The following LHFPL3 variants were observed in gnomAD, a reference collection of about 807,000 sequenced individuals.
The protein encoded by LHFPL3 is LHFPL tetraspan subfamily member 3.
Under a neutral mutation model 19.3 loss-of-function variants are expected in LHFPL3, and 5 were observed. The observed-to-expected ratio is 0.26, with a 90% CI of 0.14 to 0.54. The LOEUF is 0.54. LHFPL3 is among the 20% of genes least tolerant of loss of function. The probability of loss-of-function intolerance (pLI) is 0.94; values close to 1 mark genes in which losing one functional copy is unlikely to be tolerated. For missense variants in LHFPL3, 249 were observed against 307.4 expected (o/e 0.81, Z 1.42); for synonymous variants, 133 against 126.2 (o/e 1.05, Z -0.36).
chr7:104,587,258 A>G (rs929305960), intron 1 of LHFPL3, among the ~76,000 whole-genome samples: 2 of 152,186 alleles, frequency 1.3e-5, no homozygotes, highest in Non-Finnish European at 1.5e-5. Flanking sequence ...TCCTAATGCT[A>G]TCCCTCCCCT....
At chr7:104,829,504 C>T (rs998062620) in intron 2 of LHFPL3, among the ~76,000 whole-genome samples, 4 of 151,686 alleles carry the variant, frequency 2.6e-5, no homozygotes, top group Admixed American at 6.6e-5. Flanking sequence ...CAACAGTCCC[C>T]GGAGTGTGAT....
At chr7:104,540,883 T>G (rs933951800) in intron 1 of LHFPL3, among the ~76,000 whole-genome samples, 1 of 152,142 alleles carries the variant, frequency 6.6e-6, no homozygotes, top group Non-Finnish European at 1.5e-5. Flanking sequence ...CTTCCACTAC[T>G]TTAGCTCAAA....
chr7:104,349,366 T>G (rs1790133267), intron 1 of LHFPL3, among the ~76,000 whole-genome samples: 1 of 152,020 alleles, frequency 6.6e-6, no homozygotes, highest in African/African-American at 2.4e-5. Flanking sequence ...ATAAGAAAAA[T>G]GTATAAAATC....
At chr7:104,520,144 T>G (rs1423711861) in intron 1 of LHFPL3, among the ~76,000 whole-genome samples, 1 of 151,878 alleles carries the variant, frequency 6.6e-6, no homozygotes, top group Non-Finnish European at 1.5e-5. Flanking sequence ...TTATTGAGAG[T>G]TTTTAGCATG....
At chr7:104,700,245 G>A (rs552645322) in intron 1 of LHFPL3, among the ~76,000 whole-genome samples, 2 of 152,236 alleles carry the variant, frequency 1.3e-5, no homozygotes, top group East Asian at 3.9e-4. Flanking sequence ...GCTCAAAGAT[G>A]ACCAGCAAGC....
chr7:104,782,448 G>A (rs1418157981), intron 2 of LHFPL3, among the ~76,000 whole-genome samples: 1 of 152,062 alleles, frequency 6.6e-6, no homozygotes, highest in African/African-American at 2.4e-5. Flanking sequence ...TGGGAGGAAG[G>A]GACCAAGAAT....
At chr7:104,452,154 A>G (rs1792451038) in intron 1 of LHFPL3, among the ~76,000 whole-genome samples, 1 of 152,120 alleles carries the variant, frequency 6.6e-6, no homozygotes, top group South Asian at 2.1e-4. Flanking sequence ...TTTCCTTAGA[A>G]TCATCTCTGT....
At chr7:104,640,003 G>C (rs1791801501) in intron 1 of LHFPL3, among the ~76,000 whole-genome samples, 1 of 152,152 alleles carries the variant, frequency 6.6e-6, no homozygotes, top group Non-Finnish European at 1.5e-5. Context: ...GCCAGCATCT[G>C]TCATGTCATC....
At chr7:104,781,079 T>C (rs909227656) in intron 2 of LHFPL3, among the ~76,000 whole-genome samples, 9 of 152,138 alleles carry the variant, frequency 5.9e-5, no homozygotes, top group Non-Finnish European at 8.8e-5. Context: ...AGTCTACACC[T>C]GGACTGTTAA....
At position 104,769,850 on chromosome 7, in the gene LHFPL3, C is replaced by T. The variant is rs548867396; in HGVS notation, c.682+32939C>T. On this transcript the variant is annotated intron_variant, in intron 2 of 2. Coordinates refer to ENST00000424859, the MANE Select transcript of LHFPL3 (RefSeq NM_199000.3). ...ATATATGCCGTGGAATACTATGCAG[C>T]CATAAAAAAAGGATGAGTTTACGTC... Among the ~76,000 whole-genome samples, 48 of 73,050 alleles carry T rather than the reference C, an allele frequency of 6.6e-4. No homozygotes were observed. In the East Asian group the frequency reaches 0.016, roughly 25 times the overall value. The allele number at this position is 73,050 out of a possible 152,430, so 47.9% of individuals were successfully genotyped here. A position where few individuals can be genotyped will look rare whatever the true frequency, so the allele number is the denominator to read the frequency against.
intron 1 of LHFPL3, among the ~76,000 whole-genome samples, chr7:104,434,144 T>C (rs1473762546): frequency 6.6e-6 from 1 of 152,232 alleles, no homozygotes; most frequent in Non-Finnish European, 1.5e-5. Flanking sequence ...GGATATATGC[T>C]GTGGACTGAC....
At chr7:104,331,672 G>A (rs916301683) in intron 1 of LHFPL3, among the ~76,000 whole-genome samples, 6 of 152,104 alleles carry the variant, frequency 3.9e-5, no homozygotes, top group East Asian at 1.9e-4. Flanking sequence ...AGTCTAGGCC[G>A]GGCGCAGTGG....
intron 2 of LHFPL3, among the ~76,000 whole-genome samples, chr7:104,882,250 CTTAT>C (rs988627735): frequency 3.9e-5 from 6 of 151,920 alleles, no homozygotes; most frequent in South Asian, 2.1e-4. Flanking sequence ...TATTTATTTA[CTTAT>C]TTATTTATTT....
At chr7:104,359,668 G>C (rs999098116) in intron 1 of LHFPL3, among the ~76,000 whole-genome samples, 6 of 152,204 alleles carry the variant, frequency 3.9e-5, no homozygotes, top group African/African-American at 4.8e-5. Flanking sequence ...CCACAGTCTA[G>C]CGGGGAGGAA....
chr7:104,520,249 T>G (rs1379657635), intron 1 of LHFPL3, among the ~76,000 whole-genome samples: 1 of 151,952 alleles, frequency 6.6e-6, no homozygotes, highest in Non-Finnish European at 1.5e-5. Flanking sequence ...TGGATTACAT[T>G]TATTGATTTG....
chr7:104,512,419 C>G (rs961692979), intron 1 of LHFPL3, among the ~76,000 whole-genome samples: 2 of 152,056 alleles, frequency 1.3e-5, no homozygotes, highest in African/African-American at 4.8e-5. Flanking sequence ...AGCTTTTCAT[C>G]TAGCAGGCTC....
chr7:104,491,806 A>G (rs1793358302), intron 1 of LHFPL3, among the ~76,000 whole-genome samples: 1 of 152,240 alleles, frequency 6.6e-6, no homozygotes, highest in South Asian at 2.1e-4. Flanking sequence ...AAATGTTAAA[A>G]TATACCCAAA....
intron 1 of LHFPL3, among the ~76,000 whole-genome samples, chr7:104,378,218 C>A (rs189220527): frequency 1.1e-3 from 172 of 152,298 alleles, no homozygotes; most frequent in African/African-American, 4.0e-3. Context: ...TTCCCTCCTG[C>A]CTTTTTGCAG....
intron 1 of LHFPL3, among the ~76,000 whole-genome samples, chr7:104,571,983 C>G (rs553123189): frequency 1.3e-5 from 2 of 152,296 alleles, no homozygotes; most frequent in African/African-American, 4.8e-5. Flanking sequence ...CCCCTTTTCT[C>G]CCAGAGTTAA....
Sources: gnomAD v4.1 joint callset for allele counts (sites outside exome capture counted in the v4.1 genomes callset) on GRCh38, gnomAD v4.1.1 for gene constraint, MANE v1.5 for transcripts, NCBI Gene and HGNC (gene_info 2026-07-23, HGNC 2026-07-21) for gene names.